The following AATF variants were observed in gnomAD, a reference collection of about 807,000 sequenced individuals.
AATF encodes the protein apoptosis antagonizing transcription factor, also known as protein AATF.
Under a neutral mutation model 63.7 loss-of-function variants are expected in AATF, and 48 were observed. The ratio of observed to expected loss-of-function variants is 0.75; its 90% CI spans 0.60 to 0.96. AATF has a LOEUF of 0.96. AATF is among the 40% of genes least tolerant of loss of function. The pLI is 0.00. For missense variants in AATF, 639 were observed against 685.7 expected, an observed-to-expected ratio of 0.93 and a Z score of 0.76; for synonymous variants, 258 against 247.7, an observed-to-expected ratio of 1.04 and a Z score of -0.39.
chr17:36,961,423 C>A (rs1362784771), intron 4 of AATF, among the ~76,000 whole-genome samples: 1 of 151,936 alleles, frequency 6.6e-6, no homozygotes, highest in Non-Finnish European at 1.5e-5. Context: ...CATATTGAAC[C>A]CAATATATCA....
chr17:37,050,999 T>C (rs1370867209), intron 11 of AATF: 1 of 152,274 alleles, frequency 6.6e-6, no homozygotes, highest in African/African-American at 2.4e-5. Context: ...GGTCTCAAAC[T>C]CCTGGGCTCA....
At chr17:36,958,861 C>G (rs2070923337) in intron 4 of AATF, among the ~76,000 whole-genome samples, 1 of 152,140 alleles carries the variant, frequency 6.6e-6, no homozygotes, top group South Asian at 2.1e-4. Flanking sequence ...ATAAACATAA[C>G]TGGCCTGGTG....
intron 10 of AATF, 83 bp downstream of exon 10, chr17:37,021,097 T>A (rs2071466640): frequency 2.0e-6 from 2 of 1,014,328 alleles, no homozygotes; most frequent in Non-Finnish European, 2.8e-6. Flanking sequence ...GTCATTTTTC[T>A]TTTTCTTCTG....
At chr17:37,007,516 A>G (rs2071351699) in intron 8 of AATF, among the ~76,000 whole-genome samples, 1 of 151,810 alleles carries the variant, frequency 6.6e-6, no homozygotes. Flanking sequence ...TAGAAATATT[A>G]TTGAATAATC....
At chr17:36,970,769 T>G (rs1461309315) in intron 4 of AATF, among the ~76,000 whole-genome samples, 1 of 151,956 alleles carries the variant, frequency 6.6e-6, no homozygotes, top group African/African-American at 2.4e-5. Context: ...CTCGAACTCC[T>G]GCCCTCCTGC....
chr17:37,006,267 C>T (rs1488354869), intron 8 of AATF, among the ~76,000 whole-genome samples: 3 of 152,060 alleles, frequency 2.0e-5, no homozygotes, highest in Admixed American at 1.3e-4. Context: ...GTCAGGAGTT[C>T]GAGACCAGCC....
chr17:37,048,075 T>C (rs2071709435), intron 11 of AATF, among the ~76,000 whole-genome samples: 1 of 152,094 alleles, frequency 6.6e-6, no homozygotes, highest in Middle Eastern at 3.2e-3. Flanking sequence ...GGTTTTTTTA[T>C]GGGGGTTTTT....
At chr17:36,993,372 G>T (rs1467653489) in intron 8 of AATF, among the ~76,000 whole-genome samples, 2 of 152,192 alleles carry the variant, frequency 1.3e-5, no homozygotes, top group Non-Finnish European at 1.5e-5. Context: ...TTGTGTGCAA[G>T]TAATTGTGGT....
intron 4 of AATF, among the ~76,000 whole-genome samples, chr17:36,958,666 A>G (rs999955802): frequency 6.6e-6 from 1 of 152,214 alleles, no homozygotes; most frequent in African/African-American, 2.4e-5. Context: ...CTTAAGCAAT[A>G]ATCAATTCAT....
intron 4 of AATF, among the ~76,000 whole-genome samples, chr17:36,954,115 T>G (rs1235705282): frequency 6.8e-6 from 1 of 147,214 alleles, no homozygotes; most frequent in Non-Finnish European, 1.5e-5. Flanking sequence ...TTGCTGAGTC[T>G]CAAGTACAGT....
intron 11 of AATF, among the ~76,000 whole-genome samples, chr17:37,048,363 CTTTTTTTTTTT>C (rs60374815): frequency 2.8e-5 from 2 of 70,842 alleles, no homozygotes; most frequent in African/African-American, 6.2e-5. Context: ...TTTTTCTTTT[CTTTTTTTTTTT>C]TTTTTTTTTT....
At chr17:37,009,838 A>AAAAAAC (rs1555651453) in intron 8 of AATF, among the ~76,000 whole-genome samples, 8 of 149,942 alleles carry the variant, frequency 5.3e-5, no homozygotes, top group African/African-American at 2.0e-4. Context: ...AAAAAAAAAA[A>AAAAAAC]AAAAAAAAAA....
At chr17:37,037,189 G>A (rs1320198167) in intron 11 of AATF, among the ~76,000 whole-genome samples, 1 of 146,298 alleles carries the variant, frequency 6.8e-6, no homozygotes, top group East Asian at 2.2e-4. Flanking sequence ...GCTAATTTTT[G>A]TATTTTTAAT....
chr17:36,997,504 C>T (rs2071263176), intron 8 of AATF, among the ~76,000 whole-genome samples: 2 of 152,068 alleles, frequency 1.3e-5, no homozygotes, highest in African/African-American at 4.8e-5. Flanking sequence ...CAGGGAAATG[C>T]AAATCGAAAG....
intron 10 of AATF, among the ~76,000 whole-genome samples, chr17:37,022,648 A>T (rs1016755631): frequency 6.6e-6 from 1 of 152,186 alleles, no homozygotes; most frequent in Non-Finnish European, 1.5e-5. Flanking sequence ...GACATTGATT[A>T]GTAGTTACTT....
chr17:37,050,659 G>A (rs780168786), intron 11 of AATF, among the ~76,000 whole-genome samples: 6 of 152,214 alleles, frequency 3.9e-5, no homozygotes, highest in Admixed American at 6.5e-5. Flanking sequence ...CCTGCTAGCC[G>A]TGAGTGCTGC....
intron 8 of AATF, among the ~76,000 whole-genome samples, chr17:37,012,200 T>C (rs2071397267): frequency 6.6e-6 from 1 of 152,092 alleles, no homozygotes; most frequent in South Asian, 2.1e-4. Flanking sequence ...ATTACAGGCA[T>C]GCGCCACCAT....
chr17:37,017,603 G>T (rs2071438096), intron 8 of AATF, among the ~76,000 whole-genome samples: 1 of 152,224 alleles, frequency 6.6e-6, no homozygotes, highest in Non-Finnish European at 1.5e-5. Flanking sequence ...ACAGGGTAGA[G>T]AAATAGCTTG....
At chr17:37,015,104 T>C (rs149210325) in intron 8 of AATF, among the ~76,000 whole-genome samples, 1 of 152,356 alleles carries the variant, frequency 6.6e-6, no homozygotes, top group East Asian at 1.9e-4. Flanking sequence ...TTTCCTCAGA[T>C]GCAGGCGATC....
Sources: gnomAD v4.1 joint callset for allele counts (sites outside exome capture counted in the v4.1 genomes callset) on GRCh38, gnomAD v4.1.1 for gene constraint, MANE v1.5 for transcripts, NCBI Gene and HGNC (gene_info 2026-07-23, HGNC 2026-07-21) for gene names.